Variants in NOX3 observed in about 807,000 individuals in gnomAD.
The protein encoded by NOX3 is NADPH oxidase 3.
Under a neutral mutation model 76.7 loss-of-function variants are expected in NOX3, and 74 were observed. The ratio of observed to expected loss-of-function variants is 0.96; its 90% CI spans 0.80 to 1.17. NOX3 has a LOEUF of 1.17. NOX3 is among the 50% of genes most tolerant of loss of function. NOX3 has a pLI of 0.00. For synonymous variants in NOX3, 263 were observed against 261.1 expected (o/e 1.01, Z -0.07); for missense variants, 695 against 703.3 (o/e 0.99, Z 0.13).
chr6:155,425,491 CAGCT>C (rs530990466), intron 9 of NOX3, among the ~76,000 whole-genome samples: 149 of 152,304 alleles, frequency 9.8e-4, no homozygotes, highest in African/African-American at 3.3e-3. Flanking sequence ...GTTCCAGTCT[CAGCT>C]CTCTGAACTG....
chr6:155,451,271 G>A (rs184692771), intron 4 of NOX3, among the ~76,000 whole-genome samples: 88 of 152,174 alleles, frequency 5.8e-4, no homozygotes, highest in African/African-American at 1.8e-3. Context: ...GAGCCACCAC[G>A]CCCGGCCTGT....
intron 4 of NOX3, among the ~76,000 whole-genome samples, chr6:155,451,264 C>A (rs976340125): frequency 6.6e-6 from 1 of 152,154 alleles, no homozygotes; most frequent in East Asian, 1.9e-4. Flanking sequence ...CAGGCGTGAG[C>A]CACCACGCCC....
Position 155,396,699 on chromosome 6 carries a change from C to A in NOX3, c.*27+110G>T, listed in dbSNP as rs908829612. ...GTTGGCACTTTACAATGGCAGAGTT[C>A]AGTAGTTGAGAGTCGGACCATACAG... is the stretch of plus-strand genomic sequence containing the variant. On this transcript the variant is annotated intron_variant, in intron 13 of 13. Coordinates refer to ENST00000159060, the MANE Select transcript of NOX3 (RefSeq NM_015718.3). 2.2e-5 allele frequency: 16 copies of A among 738,800 alleles called. No homozygotes were observed. The African/African-American group carries it at 2.5e-4, about 12-fold the overall frequency. 45.8% of individuals were successfully genotyped at this position (738,800 alleles called of 1,614,324 possible). A position where few individuals can be genotyped will look rare whatever the true frequency, so the allele number is the denominator to read the frequency against.
chr6:155,453,595 G>A, intron 3 of NOX3, 107 bp from the exon 4 acceptor site: 1 of 822,796 alleles, frequency 1.2e-6, no homozygotes, highest in Non-Finnish European at 2.1e-6. Flanking sequence ...ACTGCTTAAA[G>A]TGGGGCTATG....
chr6:155,409,746 A>C (rs1776516655), intron 11 of NOX3, among the ~76,000 whole-genome samples: 1 of 152,176 alleles, frequency 6.6e-6, no homozygotes, highest in Admixed American at 6.5e-5. Flanking sequence ...GAAATTTAGG[A>C]GTCGAAATAA....
chr6:155,431,467 T>C (rs1776833126), intron 7 of NOX3, among the ~76,000 whole-genome samples: 1 of 145,634 alleles, frequency 6.9e-6, no homozygotes, highest in Non-Finnish European at 1.5e-5. Context: ...GAGTAAAATA[T>C]AAAGTCAATT....
At chr6:155,440,929 T>C (rs776811441) in intron 5 of NOX3, among the ~76,000 whole-genome samples, 1 of 152,202 alleles carries the variant, frequency 6.6e-6, no homozygotes, top group Non-Finnish European at 1.5e-5. Flanking sequence ...TCCTTGCTCT[T>C]GCTTTTTAAT....
Position 155,426,991 on chromosome 6 carries a change from G to A in NOX3, c.1145+1803C>T, listed in dbSNP as rs913470094. On this transcript the variant is annotated intron_variant, in intron 9 of 13. Coordinates refer to ENST00000159060, the MANE Select transcript of NOX3 (RefSeq NM_015718.3). ...AGCAGTTAGACACTGTGGCGTGTGTGTGTGTGTGTGTGTGTGTGTGTGTGT... is the reference window on the plus strand; with the variant it reads ...AGCAGTTAGACACTGTGGCGTGTGTATGTGTGTGTGTGTGTGTGTGTGTGT... Among the ~76,000 whole-genome samples the A allele has an allele frequency of 7.9e-3, 903 of 113,692 alleles. 13 individuals carry two copies. The highest frequency in any genetic ancestry group is 0.031 in the African/African-American group (853 of 27,680). The allele number at this position is 113,692 out of a possible 152,430, so 74.6% of individuals were successfully genotyped here.
intron 6 of NOX3, among the ~76,000 whole-genome samples, chr6:155,439,128 T>C (rs1000407278): frequency 2.6e-5 from 4 of 152,148 alleles, no homozygotes; most frequent in Admixed American, 2.0e-4. Flanking sequence ...AGCAGCACCT[T>C]CTCTACATGA....
At chr6:155,407,308 T>C in intron 11 of NOX3, 54 bp from the exon 12 acceptor site, 1 of 1,481,948 alleles carries the variant, frequency 6.7e-7, no homozygotes, top group Non-Finnish European at 9.2e-7. Context: ...ATAAGACTTC[T>C]ATAAATAAAG....
chr6:155,436,368 T>C, intron 7 of NOX3, 50 bp downstream of exon 7: 8 of 1,608,762 alleles, frequency 5.0e-6, no homozygotes, highest in Non-Finnish European at 6.8e-6. Context: ...AAACTCTGTA[T>C]TTTAACTGTG....
chr6:155,408,074 G>C (rs1318610864), intron 11 of NOX3, among the ~76,000 whole-genome samples: 1 of 152,154 alleles, frequency 6.6e-6, no homozygotes, highest in Non-Finnish European at 1.5e-5. Context: ...CACCTCCTGA[G>C]TTCAAGCGAT....
chr6:155,425,787 G>A (rs1776747835), intron 9 of NOX3, among the ~76,000 whole-genome samples: 1 of 152,180 alleles, frequency 6.6e-6, no homozygotes, highest in African/African-American at 2.4e-5. Flanking sequence ...CTCTCACAGT[G>A]TGGGCCCCAG....
chr6:155,424,164 C>T (rs1776727611), intron 9 of NOX3, among the ~76,000 whole-genome samples: 1 of 152,172 alleles, frequency 6.6e-6, no homozygotes, highest in African/African-American at 2.4e-5. Context: ...TAAATCCCCT[C>T]TTATATAATT....
chr6:155,443,026 A>AGT (rs879880652), intron 5 of NOX3, among the ~76,000 whole-genome samples: 10 of 152,140 alleles, frequency 6.6e-5, no homozygotes, highest in East Asian at 3.9e-4. Context: ...CTGCGTTTCT[A>AGT]GTGTGTGTGT....
In NOX3 at chr6:155,422,760, G is replaced by A. The variant is rs141696985; in HGVS notation, c.1242C>T (p.Phe414=). ...ACCATATAGATTTCAGAAGAGCAGC[G>A]AAGGGAGTGACTCCGATCCCCGCGG... is the stretch of plus-strand genomic sequence containing the variant. ...CVAAGIGVTP[F]AALLKSIWYK... Residue 414 remains phenylalanine (F), a synonymous_variant, in exon 10 of 14, where the codon TTC becomes TTT. Transcript: ENST00000159060. 37 of 1,614,014 alleles carry A rather than the reference G, an allele frequency of 2.3e-5. No homozygotes were observed. The highest frequency in any genetic ancestry group is 1.1e-4 in the African/African-American group (8 of 74,912).
At chr6:155,412,015 AAGT>A (rs112915651) in intron 10 of NOX3, among the ~76,000 whole-genome samples, 10 of 145,684 alleles carry the variant, frequency 6.9e-5, no homozygotes, top group African/African-American at 2.4e-4. Context: ...ATGTGACAAA[AAGT>A]AGCTTGGGTT....
chr6:155,404,859 T>C (rs552590084), intron 12 of NOX3, among the ~76,000 whole-genome samples: 1 of 152,150 alleles, frequency 6.6e-6, no homozygotes, highest in Non-Finnish European at 1.5e-5. Context: ...TGGAATCAGA[T>C]GGTTATGAAT....
chr6:155,399,387 C>T (rs1440050991), intron 12 of NOX3, among the ~76,000 whole-genome samples: 1 of 152,106 alleles, frequency 6.6e-6, no homozygotes, highest in South Asian at 2.1e-4. Flanking sequence ...CCTGGTGTCC[C>T]CAGCAGTTCA....
Sources: allele counts gnomAD v4.1 joint callset (sites outside exome capture counted in the v4.1 genomes callset), GRCh38; gene constraint gnomAD v4.1.1; transcripts MANE v1.5; gene names NCBI Gene and HGNC (gene_info 2026-07-23, HGNC 2026-07-21).